The following PHACTR1 variants were observed in gnomAD, a reference collection of about 807,000 sequenced individuals.
PHACTR1 encodes RPEL repeat containing 1.
A neutral mutation model predicts 69.2 loss-of-function variants in PHACTR1; 16 were observed. The ratio of observed to expected loss-of-function variants is 0.23; its 90% CI spans 0.16 to 0.35. The LOEUF (loss-of-function observed/expected upper bound fraction) is 0.35, where lower values mean the gene tolerates loss of function less well. Ranked by LOEUF, PHACTR1 falls within the 10% of genes least tolerant of loss-of-function variation. The pLI, the probability that PHACTR1 is intolerant of heterozygous loss-of-function variation, is 1.00. For missense variants in PHACTR1, 510 were observed against 734.7 expected (o/e 0.69, Z 3.54); for synonymous variants, 312 against 284.5 (o/e 1.10, Z -0.97).
chr6:12,960,417 A>C (rs1026241526), intron 4 of PHACTR1, among the ~76,000 whole-genome samples: 1 of 152,248 alleles, frequency 6.6e-6, no homozygotes, highest in Non-Finnish European at 1.5e-5. Flanking sequence ...ATATTTTGGA[A>C]TTAATTCAAT....
At chr6:12,822,374 G>A (rs779462646) in intron 4 of PHACTR1, among the ~76,000 whole-genome samples, 5 of 152,176 alleles carry the variant, frequency 3.3e-5, no homozygotes, top group Non-Finnish European at 7.3e-5. Context: ...AGACCACGAG[G>A]AGCCATCCAG....
At chr6:12,768,475 T>C (rs566446261) in intron 4 of PHACTR1, among the ~76,000 whole-genome samples, 3 of 152,258 alleles carry the variant, frequency 2.0e-5, no homozygotes, top group East Asian at 3.9e-4. Context: ...CCCTGTGGTG[T>C]AACAGATCCT....
At chr6:12,939,868 T>A (rs1005430177) in intron 4 of PHACTR1, among the ~76,000 whole-genome samples, 2 of 152,170 alleles carry the variant, frequency 1.3e-5, no homozygotes, top group Non-Finnish European at 2.9e-5. Flanking sequence ...ATTGAGTGCA[T>A]TTTTTCCACT....
chr6:12,919,929 C>CA (rs530536110), intron 4 of PHACTR1, among the ~76,000 whole-genome samples: 543 of 152,308 alleles, frequency 3.6e-3, no homozygotes, highest in Non-Finnish European at 5.9e-3. Context: ...ATTCAATTCA[C>CA]ACACATTACT....
intron 10 of PHACTR1, among the ~76,000 whole-genome samples, chr6:13,269,269 T>G (rs1562096961): frequency 6.6e-6 from 1 of 152,230 alleles, no homozygotes; most frequent in Non-Finnish European, 1.5e-5. Context: ...AAGCAGCAAG[T>G]ATTTTTAGGG....
At chr6:13,272,993 T>TGTGGC in intron 11 of PHACTR1, 78 bp downstream of exon 11, 1 of 1,572,834 alleles carries the variant, frequency 6.4e-7, no homozygotes, top group Middle Eastern at 1.7e-4. Context: ...CCACAAGGTT[T>TGTGGC]CTACCTTGCG....
chr6:13,200,968 TAAA>T (rs956848911), intron 7 of PHACTR1, among the ~76,000 whole-genome samples: 1 of 149,682 alleles, frequency 6.7e-6, no homozygotes, highest in East Asian at 2.0e-4. Flanking sequence ...AGAAAAAAAT[TAAA>T]AAAAGAAAGA....
At chr6:13,105,872 T>C (rs1434121680) in intron 5 of PHACTR1, among the ~76,000 whole-genome samples, 1 of 152,218 alleles carries the variant, frequency 6.6e-6, no homozygotes, top group Non-Finnish European at 1.5e-5. Flanking sequence ...AAGTGGATTT[T>C]TTAAGAATAA....
intron 5 of PHACTR1, among the ~76,000 whole-genome samples, chr6:13,092,105 A>C: frequency 6.6e-6 from 1 of 152,110 alleles, no homozygotes; most frequent in Non-Finnish European, 1.5e-5. Flanking sequence ...GCTGGTTCGA[A>C]CTTCTATGAG....
intron 10 of PHACTR1, among the ~76,000 whole-genome samples, chr6:13,239,053 A>T (rs10948550): frequency 0.13 from 20,033 of 152,014 alleles, 1,870 homozygotes; most frequent in Admixed American, 0.24. Context: ...GCTGTGGAGG[A>T]GCAGGGAGTG....
chr6:13,241,955 C>T (rs886160635), intron 10 of PHACTR1, among the ~76,000 whole-genome samples: 6 of 150,752 alleles, frequency 4.0e-5, no homozygotes, highest in Admixed American at 2.6e-4. Flanking sequence ...ATCGCTTGAA[C>T]CCAGGAGATG....
At chr6:12,742,464 G>A (rs1228741892) in intron 3 of PHACTR1, among the ~76,000 whole-genome samples, 3 of 152,092 alleles carry the variant, frequency 2.0e-5, no homozygotes, top group Admixed American at 2.0e-4. Context: ...GTGGGTTCTG[G>A]TTGACTTCTT....
intron 10 of PHACTR1, among the ~76,000 whole-genome samples, chr6:13,240,359 G>A (rs1232277004): frequency 1.3e-5 from 2 of 150,796 alleles, no homozygotes; most frequent in East Asian, 3.9e-4. Context: ...GATTGTTCTT[G>A]TTTGTTAATC....
chr6:13,285,100 C>A (rs1246992159), intron 13 of PHACTR1, among the ~76,000 whole-genome samples: 1 of 152,222 alleles, frequency 6.6e-6, no homozygotes, highest in Non-Finnish European at 1.5e-5. Context: ...GGTATGCTTG[C>A]AAGGATAAGG....
intron 8 of PHACTR1, among the ~76,000 whole-genome samples, chr6:13,216,900 A>AAC (rs1234386581): frequency 1.3e-5 from 2 of 152,170 alleles, no homozygotes; most frequent in Admixed American, 1.3e-4. Flanking sequence ...ACAAACCATT[A>AAC]ACACCTTTTT....
chr6:12,961,623 T>A (rs911628321), intron 4 of PHACTR1, among the ~76,000 whole-genome samples: 2 of 152,234 alleles, frequency 1.3e-5, no homozygotes, highest in African/African-American at 4.8e-5. Flanking sequence ...GGAATATGTG[T>A]GTTACTGAAA....
In PHACTR1 at chr6:13,283,228, G is replaced by T; in HGVS notation, c.1510-194G>T. On this transcript the variant is annotated intron_variant, in intron 12 of 14. Transcript: ENST00000332995. This position sits in a 1 kb window ranked among gnomAD's most constrained non-coding sequence, Gnocchi z 4.7. The stretch of plus-strand genomic sequence containing the variant: ...AAGCTCTCTCTTAGGACCTAGAAAC[G>T]TCCCACTCCCAAGAGTCAGGAGACT... 1 of 589,374 alleles carries T rather than the reference G, an allele frequency of 1.7e-6. No individual in the cohort carries two copies. Among genetic ancestry groups the T allele is most frequent in the Non-Finnish European group, 2.9e-6 (1 of 342,794 alleles). 36.5% of individuals were successfully genotyped at this position (589,374 alleles called of 1,614,324 possible). A position where few individuals can be genotyped will look rare whatever the true frequency, so the allele number is the denominator to read the frequency against.
chr6:12,903,621 C>T (rs1466180239), intron 4 of PHACTR1, among the ~76,000 whole-genome samples: 1 of 152,158 alleles, frequency 6.6e-6, no homozygotes, highest in Non-Finnish European at 1.5e-5. Context: ...TAGCCTTCTC[C>T]CTAATAACTC....
intron 4 of PHACTR1, among the ~76,000 whole-genome samples, chr6:12,946,717 G>C (rs1790708037): frequency 6.6e-6 from 1 of 151,626 alleles, no homozygotes; most frequent in Non-Finnish European, 1.5e-5. Flanking sequence ...TGCAGAAAGA[G>C]AGAAAAGAAT....
Sources: allele counts gnomAD v4.1 joint callset (sites outside exome capture counted in the v4.1 genomes callset), GRCh38; gene constraint gnomAD v4.1.1; non-coding constraint Gnocchi (gnomAD v3.1); transcripts MANE v1.5; gene names NCBI Gene and HGNC (gene_info 2026-07-23, HGNC 2026-07-21).